MTUS2: variants seen among roughly 807,000 people sequenced by gnomAD.
MTUS2 encodes the protein microtubule-associated tumor suppressor candidate 2.
MTUS2 carries 40 observed loss-of-function variants against 114.1 expected under a neutral mutation model. That is an observed-to-expected ratio of 0.35 (90% CI 0.27 to 0.46). MTUS2 has a LOEUF of 0.46. MTUS2 is among the 20% of genes least tolerant of loss of function. The pLI, the probability that MTUS2 is intolerant of heterozygous loss-of-function variation, is 1.00. For synonymous variants in MTUS2, 688 were observed against 672.0 expected, an observed-to-expected ratio of 1.02 and a Z score of -0.37; for missense variants, 1,679 against 1,705.4, an observed-to-expected ratio of 0.98 and a Z score of 0.27.
At chr13:29,411,253 CG>C (rs1366476107) in intron 8 of MTUS2, among the ~76,000 whole-genome samples, 1 of 152,080 alleles carries the variant, frequency 6.6e-6, no homozygotes, top group African/African-American at 2.4e-5. Flanking sequence ...GAGTTTGTTC[CG>C]GGGCACAAGG....
In MTUS2 at chr13:29,375,300, TC is replaced by T. The variant is rs1206397287; in HGVS notation, c.3117+15829del. ...TTAAAAAGGAGTTTTTAATAGGAGT[TC>T]CAGAGAGAAGAAAGCCATTACTTTT... On this transcript the variant is annotated intron_variant, in intron 8 of 15. Coordinates refer to ENST00000612955, the MANE Select transcript of MTUS2 (RefSeq NM_001033602.4). Among the ~76,000 whole-genome samples, 10 of 68,764 alleles carry T rather than the reference TC, an allele frequency of 1.5e-4. 1 individual carries two copies. The highest frequency in any genetic ancestry group is 3.1e-4 in the Admixed American group (2 of 6,540). 45.1% of individuals were successfully genotyped at this position (68,764 alleles called of 152,430 possible).
intron 2 of MTUS2, among the ~76,000 whole-genome samples, chr13:28,889,204 G>A (rs114980057): frequency 1.2e-3 from 190 of 152,156 alleles, no homozygotes; most frequent in African/African-American, 3.4e-3. Context: ...GTTCTGTGTG[G>A]CAGGCTTCAG....
intron 7 of MTUS2, among the ~76,000 whole-genome samples, chr13:29,356,039 G>A (rs998952556): frequency 6.6e-6 from 1 of 152,138 alleles, no homozygotes; most frequent in African/African-American, 2.4e-5. Context: ...CTGCCTGCAT[G>A]GTGAGGTCAG....
At chr13:29,221,039 C>G (rs963675661) in intron 5 of MTUS2, among the ~76,000 whole-genome samples, 2 of 151,518 alleles carry the variant, frequency 1.3e-5, no homozygotes, top group Non-Finnish European at 2.9e-5. Flanking sequence ...CCCTCTACAT[C>G]GTTCTCTCAC....
intron 2 of MTUS2, among the ~76,000 whole-genome samples, chr13:28,846,567 G>A (rs528704040): frequency 6.6e-6 from 1 of 152,306 alleles, no homozygotes; most frequent in South Asian, 2.1e-4. Context: ...TTATAGATGT[G>A]CAAATAATAT....
chr13:29,387,126 C>T (rs1008192718), intron 8 of MTUS2, among the ~76,000 whole-genome samples: 1 of 152,180 alleles, frequency 6.6e-6, no homozygotes, highest in East Asian at 1.9e-4. Flanking sequence ...TTACATATAA[C>T]CTGAAAGATA....
chr13:28,894,280 G>A (rs1274811748), intron 2 of MTUS2, among the ~76,000 whole-genome samples: 1 of 24,944 alleles, frequency 4.0e-5, no homozygotes, highest in Non-Finnish European at 7.3e-5. Flanking sequence ...GAGAGTTGGT[G>A]GGGGGGGGGG....
intron 2 of MTUS2, among the ~76,000 whole-genome samples, chr13:28,841,662 T>TTG (rs35199086): frequency 0.54 from 80,685 of 150,318 alleles, 22,659 homozygotes; most frequent in Middle Eastern, 0.64. Flanking sequence ...AGTTAGTTCT[T>TTG]TGTGTGTGTG....
At chr13:29,145,724 T>C (rs1053652994) in intron 5 of MTUS2, among the ~76,000 whole-genome samples, 1 of 151,626 alleles carries the variant, frequency 6.6e-6, no homozygotes, top group African/African-American at 2.4e-5. Context: ...TTTCTGCAGC[T>C]TTCTATTATC....
intron 5 of MTUS2, among the ~76,000 whole-genome samples, chr13:29,195,540 A>G (rs12859797): frequency 0.025 from 95 of 3,762 alleles, 1 homozygote; most frequent in East Asian, 0.12. Flanking sequence ...CTTAATTCTG[A>G]AAAAAAAAAA....
chr13:28,839,211 G>A (rs1875304787), intron 1 of MTUS2, among the ~76,000 whole-genome samples: 1 of 152,116 alleles, frequency 6.6e-6, no homozygotes, highest in Admixed American at 6.5e-5. Flanking sequence ...GTAATTTGCT[G>A]ATTTTTTGAA....
intron 6 of MTUS2, among the ~76,000 whole-genome samples, chr13:29,283,563 G>A (rs1233697174): frequency 1.3e-5 from 2 of 152,170 alleles, no homozygotes; most frequent in Non-Finnish European, 2.9e-5. Flanking sequence ...ATAGCCCAGT[G>A]TTTCTCAAGC....
At position 29,100,843 on chromosome 13, in the gene MTUS2, C is replaced by T. The variant is rs1481948459; in HGVS notation, c.2517C>T (p.Pro839=). Residue 839 remains proline, a synonymous_variant, in exon 5 of 16, where the codon CCC becomes CCT. Transcript: ENST00000612955. ...SNLPKSGLRP[P]GYSRLPAAKL... Reference sequence around the variant, plus strand: ...TCCCGAAATCTGGTCTCCGTCCTCCCGGATACTCACGTCTCCCGGCAGCCA... The same window carrying T: ...TCCCGAAATCTGGTCTCCGTCCTCCTGGATACTCACGTCTCCCGGCAGCCA... 19 of 1,552,028 alleles carry T rather than the reference C, an allele frequency of 1.2e-5. No homozygotes were observed. Among genetic ancestry groups the T allele is most frequent in the South Asian group, 5.9e-5 (5 of 84,076 alleles).
At chr13:29,124,539 A>C (rs1891438012) in intron 5 of MTUS2, among the ~76,000 whole-genome samples, 2 of 152,200 alleles carry the variant, frequency 1.3e-5, no homozygotes, top group Admixed American at 1.3e-4. Flanking sequence ...TCAAAAAATT[A>C]AAAGTAGAAT....
At chr13:29,079,374 T>G (rs918632575) in intron 4 of MTUS2, among the ~76,000 whole-genome samples, 4 of 152,214 alleles carry the variant, frequency 2.6e-5, no homozygotes, top group African/African-American at 9.6e-5. Flanking sequence ...TTTTTTCTCT[T>G]TTTTGATAGT....
At chr13:29,021,087 C>T (rs926444786) in intron 2 of MTUS2, among the ~76,000 whole-genome samples, 7 of 152,090 alleles carry the variant, frequency 4.6e-5, no homozygotes, top group Non-Finnish European at 7.4e-5. Context: ...GTCAATGTAT[C>T]GAGACCCTAT....
At chr13:29,217,295 A>G (rs527345330) in intron 5 of MTUS2, among the ~76,000 whole-genome samples, 3 of 152,174 alleles carry the variant, frequency 2.0e-5, no homozygotes, top group East Asian at 1.9e-4. Context: ...AAATATATTC[A>G]TATTGATACA....
intron 9 of MTUS2, among the ~76,000 whole-genome samples, chr13:29,444,526 C>T (rs1878137872): frequency 6.6e-6 from 1 of 152,278 alleles, no homozygotes; most frequent in Non-Finnish European, 1.5e-5. Flanking sequence ...ACCTGCAGTG[C>T]TGCCCTAGGC....
chr13:29,129,515 T>G (rs1239128787), intron 5 of MTUS2, among the ~76,000 whole-genome samples: 1 of 152,238 alleles, frequency 6.6e-6, no homozygotes, highest in East Asian at 1.9e-4. Flanking sequence ...GCCTATTTAG[T>G]AAAGATGACT....
Sources: allele counts gnomAD v4.1 joint callset (sites outside exome capture counted in the v4.1 genomes callset), GRCh38; gene constraint gnomAD v4.1.1; transcripts MANE v1.5; gene names NCBI Gene and HGNC (gene_info 2026-07-23, HGNC 2026-07-21).